TJP2: variants seen among roughly 807,000 people sequenced by gnomAD.
TJP2 encodes tight junction protein 2.
In TJP2, 91 loss-of-function variants were observed where a neutral mutation model predicts 133.1. The observed-to-expected ratio is 0.68, with a 90% CI of 0.58 to 0.81. The LOEUF (loss-of-function observed/expected upper bound fraction) is 0.81. Ranked by LOEUF, TJP2 falls within the 40% of genes least tolerant of loss-of-function variation. The pLI is 0.00. For synonymous variants in TJP2, 592 were observed against 583.4 expected, an observed-to-expected ratio of 1.01 and a Z score of -0.21; for missense variants, 1,541 against 1,565.6, an observed-to-expected ratio of 0.98 and a Z score of 0.26.
In TJP2 at chr9:69,238,706, G is replaced by T; in HGVS notation, c.2276-4G>T. The T allele has an allele frequency of 6.2e-7, 1 of 1,613,164 alleles. No individual in the cohort carries two copies. The highest frequency in any genetic ancestry group is 1.1e-5 in the South Asian group (1 of 90,946). On this transcript the variant is annotated splice_region_variant and splice_polypyrimidine_tract_variant and intron_variant, in intron 15 of 22. Coordinates refer to ENST00000377245, the MANE Select transcript of TJP2 (RefSeq NM_004817.4). ...TATTTAGCTTCCTGTTTTTGCTTTT[G>T]CAGAAACGGAACCAAAAGATGCAGG...
intron 21 of TJP2, among the ~76,000 whole-genome samples, chr9:69,252,416 A>G (rs1831406089): frequency 6.6e-6 from 1 of 151,992 alleles, no homozygotes; most frequent in Non-Finnish European, 1.5e-5. Context: ...GTACCCATAA[A>G]ATACTAACTC....
At chr9:69,215,684 C>T (rs888296736) in intron 2 of TJP2, among the ~76,000 whole-genome samples, 1 of 128,714 alleles carries the variant, frequency 7.8e-6, no homozygotes, top group Non-Finnish European at 1.7e-5. Flanking sequence ...TGAGCCTAGG[C>T]AGAAGGTTTT....
rs41277909 is a variant in TJP2 at position 69,252,813 on chromosome 9, A to G, written c.3322-2A>G. On this transcript the variant is annotated splice_acceptor_variant, in intron 21 of 22. Transcript: ENST00000377245. LOFTEE classifies it high-confidence loss of function. ...TATTCTTTTCTTTTTTAATTACCACAGATCGAAATTGCCCAGAAGCATCCT... is the reference window on the plus strand; with the variant it reads ...TATTCTTTTCTTTTTTAATTACCACGGATCGAAATTGCCCAGAAGCATCCT... 3.1e-6 allele frequency: 5 copies of G among 1,614,064 alleles called. No homozygotes were observed. In the South Asian group the frequency reaches 3.3e-5, roughly 11 times the overall value.
intron 1 of TJP2, among the ~76,000 whole-genome samples, chr9:69,196,976 C>G (rs906346562): frequency 1.3e-5 from 2 of 148,672 alleles, no homozygotes; most frequent in Non-Finnish European, 3.0e-5. Flanking sequence ...CACACACACA[C>G]ATGTTTTCTG....
chr9:69,240,807 G>GA (rs533997251), intron 17 of TJP2, among the ~76,000 whole-genome samples: 56 of 139,982 alleles, frequency 4.0e-4, no homozygotes, highest in East Asian at 1.5e-3. Flanking sequence ...TCTCTTCAAA[G>GA]AAAAAAAAAA....
At chr9:69,205,102 G>T (rs747747704) in intron 1 of TJP2, 52 of 1,534,170 alleles carry the variant, frequency 3.4e-5, no homozygotes, top group Admixed American at 2.2e-4. Flanking sequence ...ATGGAGTGAT[G>T]GAAATGGGTG....
Position 69,254,559 on chromosome 9 carries a change from T to TTGTGGGACTGGGTTAGAGGAGTC in TJP2, c.*191_*213dup, listed in dbSNP as rs1328795982. On this transcript the variant is annotated 3_prime_UTR_variant, in exon 23 of 23. Transcript: ENST00000377245. ...GCAAATTCAGAACTGAGGGCTCTGT[T>TTGTGGGACTGGGTTAGAGGAGTC]TGTGGGACTGGGTTAGAGGAGTCTG... The TTGTGGGACTGGGTTAGAGGAGTC allele has an allele frequency of 3.2e-5, 23 of 725,814 alleles. No individual in the cohort carries two copies. Among genetic ancestry groups the TTGTGGGACTGGGTTAGAGGAGTC allele is most frequent in the Non-Finnish European group, 5.2e-5 (22 of 422,304 alleles). The allele number at this position is 725,814 out of a possible 1,614,324, so 45.0% of individuals were successfully genotyped here.
chr9:69,163,552 C>T (rs1411692069), intron 2 of TJP2, among the ~76,000 whole-genome samples: 1 of 151,780 alleles, frequency 6.6e-6, no homozygotes, highest in African/African-American at 2.4e-5. Context: ...GGGAGGATCA[C>T]TTGAGCCTGG....
At chr9:69,141,662 G>T (rs1347859851) in intron 1 of TJP2, among the ~76,000 whole-genome samples, 1 of 152,064 alleles carries the variant, frequency 6.6e-6, no homozygotes, top group Non-Finnish European at 1.5e-5. Flanking sequence ...CATGATCTTG[G>T]CTCACTGCAA....
At chr9:69,239,585 C>G (rs1008609858) in intron 16 of TJP2, among the ~76,000 whole-genome samples, 1 of 151,842 alleles carries the variant, frequency 6.6e-6, no homozygotes, top group African/African-American at 2.4e-5. Flanking sequence ...CAGAGGCGGG[C>G]GGATCACCTG....
At chr9:69,173,269 G>GT (rs1322490058), upstream of TJP2, among the ~76,000 whole-genome samples, 5 of 152,138 alleles carry the variant, frequency 3.3e-5, no homozygotes, top group African/African-American at 1.2e-4. Context: ...TTACAAGATG[G>GT]TTTTTTAAGA....
chr9:69,147,335 C>T (rs543658873), intron 1 of TJP2, among the ~76,000 whole-genome samples: 2 of 152,250 alleles, frequency 1.3e-5, no homozygotes, highest in East Asian at 3.9e-4. Flanking sequence ...GACCTGGAGG[C>T]CAAACCTGGG....
At chr9:69,173,081 T>G (rs1824777673), upstream of TJP2, among the ~76,000 whole-genome samples, 1 of 152,218 alleles carries the variant, frequency 6.6e-6, no homozygotes, top group Non-Finnish European at 1.5e-5. Flanking sequence ...GGACTTGTTT[T>G]TCCACGAAAC....
chr9:69,213,590 G>GA (rs1411298848), intron 2 of TJP2, among the ~76,000 whole-genome samples: 2 of 152,158 alleles, frequency 1.3e-5, no homozygotes, highest in African/African-American at 4.8e-5. Context: ...AATGTTTGTT[G>GA]AATTAATCCA....
chr9:69,250,348 C>A (rs1831241712), intron 20 of TJP2, among the ~76,000 whole-genome samples: 1 of 152,210 alleles, frequency 6.6e-6, no homozygotes, highest in Non-Finnish European at 1.5e-5. Context: ...AGGTGATCCA[C>A]CCACTTCGGC....
intron 5 of TJP2, 46 bp downstream of exon 5, chr9:69,221,542 T>A: frequency 6.4e-7 from 1 of 1,572,282 alleles, no homozygotes; most frequent in Non-Finnish European, 8.6e-7. Flanking sequence ...GTGATATGAA[T>A]AACCTTTGTT....
chr9:69,175,599 A>G (rs1315531958), intron 1 of TJP2, among the ~76,000 whole-genome samples: 2 of 151,980 alleles, frequency 1.3e-5, no homozygotes, highest in Admixed American at 6.6e-5. Context: ...TTCATGAACA[A>G]CTCCACTTCA....
rs190063780 is a variant in TJP2 at position 69,124,984 on chromosome 9, C to G, written c.-131+3259C>G. ...TTGTTGTTGTTGAGATGGAGTTTCGCTCTTGTCACCCAGGCTGGAGTGCAA... is the reference window on the plus strand; with the variant it reads ...TTGTTGTTGTTGAGATGGAGTTTCGGTCTTGTCACCCAGGCTGGAGTGCAA... On this transcript the variant is annotated intron_variant, in intron 1 of 5. Coordinates refer to the TJP2 transcript ENST00000423935. Among the ~76,000 whole-genome samples, 241 of 76,646 alleles carry G rather than the reference C, an allele frequency of 3.1e-3. 85 individuals carry two copies. Among genetic ancestry groups the G allele is most frequent in the African/African-American group, 9.3e-3 (232 of 25,070 alleles). 50.3% of individuals were successfully genotyped at this position (76,646 alleles called of 152,430 possible).
intron 18 of TJP2, among the ~76,000 whole-genome samples, chr9:69,247,216 G>T (rs775713493): frequency 6.6e-6 from 1 of 152,226 alleles, no homozygotes; most frequent in Non-Finnish European, 1.5e-5. Flanking sequence ...AAATAAGGTT[G>T]GTTGAGAATG....
Sources: gnomAD v4.1 joint callset for allele counts (sites outside exome capture counted in the v4.1 genomes callset) on GRCh38, gnomAD v4.1.1 for gene constraint, MANE v1.5 for transcripts, NCBI Gene and HGNC (gene_info 2026-07-23, HGNC 2026-07-21) for gene names.